TAOK3: variants seen among roughly 807,000 people sequenced by gnomAD.
TAOK3 encodes the protein serine/threonine-protein kinase TAO3.
In TAOK3, 40 loss-of-function variants were observed where a neutral mutation model predicts 120.4. That is an observed-to-expected ratio of 0.33 (90% confidence interval 0.26 to 0.43). The LOEUF (loss-of-function observed/expected upper bound fraction) is 0.43, where lower values mean the gene tolerates loss of function less well. Among genes scored for constraint, TAOK3 ranks in the 20% least tolerant of loss-of-function variants. The probability of loss-of-function intolerance (pLI) is 1.00; values close to 1 mark genes in which losing one functional copy is unlikely to be tolerated. For missense variants in TAOK3, 821 were observed against 1,112.1 expected (o/e 0.74, Z 3.72); for synonymous variants, 355 against 387.5 (o/e 0.92, Z 0.99).
chr12:118,340,234 G>T (rs535381985), intron 1 of TAOK3, among the ~76,000 whole-genome samples: 1 of 152,156 alleles, frequency 6.6e-6, no homozygotes, highest in African/African-American at 2.4e-5. Context: ...TAACTATAAT[G>T]TAACAATAAC....
chr12:118,314,636 C>T (rs537714881), intron 1 of TAOK3, among the ~76,000 whole-genome samples: 1 of 152,300 alleles, frequency 6.6e-6, no homozygotes, highest in African/African-American at 2.4e-5. Flanking sequence ...CTTCAGAGAT[C>T]ATATTCAATC....
At chr12:118,227,369 G>GAATAA (rs1172900483) in intron 9 of TAOK3, among the ~76,000 whole-genome samples, 2 of 147,990 alleles carry the variant, frequency 1.4e-5, no homozygotes, top group Non-Finnish European at 3.0e-5. Flanking sequence ...TATTTTATAA[G>GAATAA]AATAAACCAA....
chr12:118,161,944 G>A lies in TAOK3; in HGVS notation c.1983C>T (p.Tyr661=). The change falls in exon 18 of 21, where the codon TAC becomes TAT. Residue 661 remains tyrosine (Y), a synonymous_variant. Coordinates refer to ENST00000392533, the MANE Select transcript of TAOK3 (RefSeq NM_016281.4). The surrounding 1 kb of genome is among the most constrained non-coding windows in gnomAD (Gnocchi z 4.5). Reference sequence around the variant, plus strand: ...GCTTCTGTAACGTGTGCAGCTGCCTGTACTCTAGCTCTCGGGTGGACTCGT... The same window carrying A: ...GCTTCTGTAACGTGTGCAGCTGCCTATACTCTAGCTCTCGGGTGGACTCGT... ...RHDESTRELE[Y]RQLHTLQKLR... The A allele has an allele frequency of 6.2e-7, 1 of 1,614,142 alleles. No homozygotes were observed. The highest frequency in any genetic ancestry group is 1.3e-5 in the African/African-American group (1 of 75,032).
At chr12:118,292,183 T>C (rs2042510517) in intron 1 of TAOK3, among the ~76,000 whole-genome samples, 1 of 152,206 alleles carries the variant, frequency 6.6e-6, no homozygotes, top group Admixed American at 6.5e-5. Context: ...GGCTTTGCAC[T>C]AAGTAGTTTA....
chr12:118,162,462 A>G (rs2035282296), intron 17 of TAOK3, among the ~76,000 whole-genome samples: 1 of 152,124 alleles, frequency 6.6e-6, no homozygotes, highest in Non-Finnish European at 1.5e-5. Flanking sequence ...ACAGGGTGAA[A>G]TTCTTATAAC....
chr12:118,222,933 A>G (rs1400052187), intron 9 of TAOK3, among the ~76,000 whole-genome samples: 1 of 152,246 alleles, frequency 6.6e-6, no homozygotes, highest in African/African-American at 2.4e-5. Context: ...TGAAATAAAA[A>G]AATGTAAAAA....
chr12:118,209,599 G>A (rs1329889690), intron 11 of TAOK3, among the ~76,000 whole-genome samples: 2 of 152,096 alleles, frequency 1.3e-5, no homozygotes, highest in East Asian at 1.9e-4. Flanking sequence ...GGGTTTCTAC[G>A]TGTTGGCCAG....
intron 9 of TAOK3, among the ~76,000 whole-genome samples, chr12:118,216,865 C>T (rs1374264038): frequency 2.0e-5 from 3 of 149,268 alleles, no homozygotes; most frequent in Admixed American, 1.3e-4. Context: ...GGAGGCGGAG[C>T]CTGCAGTGAG....
At position 118,333,480 on chromosome 12, in the gene TAOK3, A is replaced by C. The variant is rs555881652; in HGVS notation, c.-194+39168T>G. On this transcript the variant is annotated intron_variant, in intron 1 of 20. Coordinates refer to ENST00000392533, the MANE Select transcript of TAOK3 (RefSeq NM_016281.4). ...TATCAAAATTTGTGCAATGCAACTA[A>C]AGCAATGCCAAGAGGGAAATGCATA... 2.0e-5 allele frequency among the ~76,000 whole-genome samples: 3 copies of C among 152,360 alleles called. No homozygotes were observed. The South Asian group carries it at 6.2e-4, about 32-fold the overall frequency.
Position 118,233,769 on chromosome 12 carries a change from C to A in TAOK3, c.552-4G>T. On this transcript the variant is annotated splice_region_variant and splice_polypyrimidine_tract_variant and intron_variant, in intron 8 of 20. Coordinates refer to ENST00000392533, the MANE Select transcript of TAOK3 (RefSeq NM_016281.4). ...TAAGATCACCTCTGGAGCCATCCTA[C>A]CAAACATAAGGTACAAAACTCAAGT... 1 of 1,593,558 alleles carries A rather than the reference C, an allele frequency of 6.3e-7. No individual in the cohort carries two copies. The highest frequency in any genetic ancestry group is 8.5e-7 in the Non-Finnish European group (1 of 1,171,810).
intron 1 of TAOK3, among the ~76,000 whole-genome samples, chr12:118,319,351 G>C (rs1178319213): frequency 6.6e-6 from 1 of 152,016 alleles, no homozygotes; most frequent in African/African-American, 2.4e-5. Context: ...GTGTATCAAA[G>C]GACGCTATCA....
chr12:118,199,629 A>C (rs916503057), intron 12 of TAOK3: 28 of 284,816 alleles, frequency 9.8e-5, no homozygotes, highest in Middle Eastern at 1.2e-3. Flanking sequence ...CTGGCCACTA[A>C]ACAGGTGAGC....
At position 118,278,949 on chromosome 12, in the gene TAOK3, GGCATGCA is replaced by G. The variant is rs755640004; in HGVS notation, c.-193-12197_-193-12191del. Among the ~76,000 whole-genome samples, 1,054 of 152,218 alleles carry G rather than the reference GGCATGCA, an allele frequency of 6.9e-3. 7 individuals are homozygous for G. The highest frequency in any genetic ancestry group is 0.01 in the Non-Finnish European group (711 of 68,026). ...AGCCTCTTGAGTAGCTGGGATTACAGGCATGCACCACCACACTCAGCTATTTTTTATA... is the reference window on the plus strand; with the variant it reads ...AGCCTCTTGAGTAGCTGGGATTACAGCCACCACACTCAGCTATTTTTTATA... On this transcript the variant is annotated intron_variant, in intron 1 of 20. Transcript: ENST00000392533.
intron 2 of TAOK3, 87 bp downstream of exon 2, chr12:118,266,568 C>A (rs2041459221): frequency 7.6e-6 from 3 of 395,252 alleles, no homozygotes; most frequent in Non-Finnish European, 1.3e-5. Flanking sequence ...TTTTATTTTT[C>A]TTTCAAAGAT....
At chr12:118,322,903 G>T (rs1213633718) in intron 1 of TAOK3, among the ~76,000 whole-genome samples, 2 of 151,300 alleles carry the variant, frequency 1.3e-5, no homozygotes, top group African/African-American at 4.9e-5. Context: ...ATAGAGACGG[G>T]GTTTCACCAT....
intron 1 of TAOK3, among the ~76,000 whole-genome samples, chr12:118,306,393 G>A (rs1206604154): frequency 6.6e-6 from 1 of 152,014 alleles, no homozygotes; most frequent in Non-Finnish European, 1.5e-5. Flanking sequence ...GCCCAGGCTA[G>A]TGTCGAACTC....
chr12:118,287,784 A>C (rs1448264029), intron 1 of TAOK3, among the ~76,000 whole-genome samples: 1 of 152,166 alleles, frequency 6.6e-6, no homozygotes, highest in Non-Finnish European at 1.5e-5. Flanking sequence ...TTCAATATAT[A>C]AGTAAAATTC....
At chr12:118,310,209 G>A (rs1197436850) in intron 1 of TAOK3, among the ~76,000 whole-genome samples, 1 of 152,194 alleles carries the variant, frequency 6.6e-6, no homozygotes, top group Non-Finnish European at 1.5e-5. Flanking sequence ...CCTTGAGTCA[G>A]GGAGATGGAG....
rs756195897 is a variant in TAOK3, at chr12:118,255,521, T to C, written c.47A>G (p.Tyr16Cys). The change falls in exon 3 of 21, where the codon TAC becomes TGC. Residue 16 changes from tyrosine to cysteine, a missense_variant. By Grantham distance (194) the Tyr-to-Cys change is radical (BLOSUM62 -2). This residue lies in a region of TAOK3 where 467 missense variants were observed against 540.0 expected (regional missense o/e 0.86). Coordinates refer to ENST00000392533, the MANE Select transcript of TAOK3 (RefSeq NM_016281.4). ...AAAAAGTTCCTCAGGATCATCTTTG[T>C]AGAATAGATCGGCAATCTCTGGGTC... ...LKDPEIADLFYKDDPEELFIG... is the reference protein window; with the variant it reads ...LKDPEIADLFCKDDPEELFIG... 12 of 1,614,068 alleles carry C rather than the reference T, an allele frequency of 7.4e-6. No individual in the cohort carries two copies. The African/African-American group carries it at 1.1e-4, about 14-fold the overall frequency.
Sources: gnomAD v4.1 joint callset for allele counts (sites outside exome capture counted in the v4.1 genomes callset) on GRCh38, gnomAD v4.1.1 for gene constraint, gnomAD v4.1.1 regional missense constraint, Gnocchi (gnomAD v3.1) non-coding constraint, MANE v1.5 for transcripts, NCBI Gene and HGNC (gene_info 2026-07-23, HGNC 2026-07-21) for gene names.